Variants in RNF150 observed in about 807,000 individuals in gnomAD.
RNF150 encodes the protein ring finger protein 150.
Under a neutral mutation model 39.3 loss-of-function variants are expected in RNF150, and 24 were observed. The ratio of observed to expected loss-of-function variants is 0.61; its 90% CI spans 0.44 to 0.86. The LOEUF is 0.86. Among genes scored for constraint, RNF150 ranks in the 40% least tolerant of loss-of-function variants. The pLI is 0.00. For synonymous variants in RNF150, 255 were observed against 227.3 expected (o/e 1.12, Z -1.10); for missense variants, 502 against 587.8 (o/e 0.85, Z 1.51).
intron 5 of RNF150, among the ~76,000 whole-genome samples, chr4:140,915,566 T>C (rs6537021): frequency 0.55 from 83,770 of 151,870 alleles, 23,578 homozygotes; most frequent in East Asian, 0.89. Context: ...ACGAAAGTGA[T>C]TTATTCTTCA....
chr4:141,102,930 T>C (rs1739065887), intron 1 of RNF150, among the ~76,000 whole-genome samples: 1 of 152,204 alleles, frequency 6.6e-6, no homozygotes, highest in Non-Finnish European at 1.5e-5. Flanking sequence ...AGGGTGGTAA[T>C]GGATGCCACA....
chr4:141,166,952 G>T lies in RNF150; in HGVS notation c.-6+45842C>A, dbSNP rs138656934. On this transcript the variant is annotated intron_variant, in intron 1 of 7. Coordinates refer to the RNF150 transcript ENST00000420921. ...TTGGAAGTTCTGACCAGGGAAATCA[G>T]GCAAGAGAAAGAAACAAAGGGTATT... is the stretch of plus-strand genomic sequence containing the variant. Among the ~76,000 whole-genome samples, 1,303 of 152,148 alleles carry T rather than the reference G, an allele frequency of 8.6e-3. 18 individuals carry two copies. Among genetic ancestry groups the T allele is most frequent in the African/African-American group, 0.029 (1,224 of 41,492 alleles).
intron 1 of RNF150, among the ~76,000 whole-genome samples, chr4:141,206,841 C>T (rs979728717): frequency 1.3e-5 from 2 of 151,936 alleles, no homozygotes; most frequent in African/African-American, 4.8e-5. Flanking sequence ...TGTTGGAGGC[C>T]GAAAGCCTCA....
intron 1 of RNF150, among the ~76,000 whole-genome samples, chr4:141,048,882 T>C (rs1736678593): frequency 6.6e-6 from 1 of 152,216 alleles, no homozygotes; most frequent in African/African-American, 2.4e-5. Context: ...TATACCAAGA[T>C]GATTGAAGCC....
intron 1 of RNF150, among the ~76,000 whole-genome samples, chr4:140,996,767 G>A (rs61179974): frequency 0.076 from 11,551 of 152,278 alleles, 500 homozygotes; most frequent in Middle Eastern, 0.16. Flanking sequence ...GTGTTGGAGA[G>A]TCCTGTAGTC....
chr4:141,152,037 G>A (rs1727311893), intron 1 of RNF150, among the ~76,000 whole-genome samples: 1 of 152,082 alleles, frequency 6.6e-6, no homozygotes, highest in Admixed American at 6.6e-5. Context: ...TTCAGTAACA[G>A]CGATAAAATT....
rs757204196 is a variant in RNF150 at position 140,911,370 on chromosome 4, A to G, written c.988-16T>C. The G allele has an allele frequency of 6.8e-6, 11 of 1,610,520 alleles. No homozygotes were observed. The highest frequency in any genetic ancestry group is 1.7e-4 in the Middle Eastern group (1 of 5,998). ...CGGCATTGGGCTGATGGGGCAGAAA[A>G]AGATCTGTTCTCAGTACATGTCATC... On this transcript the variant is annotated splice_polypyrimidine_tract_variant and intron_variant, in intron 5 of 6. Coordinates refer to ENST00000515673, the MANE Select transcript of RNF150 (RefSeq NM_020724.2).
chr4:140,978,406 A>G (rs1733743261), intron 1 of RNF150, among the ~76,000 whole-genome samples: 1 of 152,196 alleles, frequency 6.6e-6, no homozygotes, highest in African/African-American at 2.4e-5. Flanking sequence ...GAATGGCTCT[A>G]GTAACAATTA....
At chr4:140,911,450 A>C (rs1393015597) in intron 5 of RNF150, 96 bp from the exon 6 acceptor site, 11 of 1,034,694 alleles carry the variant, frequency 1.1e-5, no homozygotes, top group Non-Finnish European at 1.3e-5. Context: ...GAAAAAATTA[A>C]GTTCTTTATT....
chr4:141,086,397 C>A (rs976278146), intron 1 of RNF150, among the ~76,000 whole-genome samples: 1 of 152,012 alleles, frequency 6.6e-6, no homozygotes, highest in East Asian at 1.9e-4. Context: ...TAGTGGAATA[C>A]CCCTGTTAAT....
At chr4:141,161,497 G>T (rs905866362) in intron 1 of RNF150, among the ~76,000 whole-genome samples, 2 of 152,204 alleles carry the variant, frequency 1.3e-5, no homozygotes, top group Non-Finnish European at 2.9e-5. Flanking sequence ...CCTATTATCT[G>T]GGGAGAAATT....
chr4:140,885,915 T>C (rs1729554538), intron 6 of RNF150, among the ~76,000 whole-genome samples: 1 of 152,126 alleles, frequency 6.6e-6, no homozygotes, highest in South Asian at 2.1e-4. Flanking sequence ...GAGCTTCTTT[T>C]TATATATGTT....
intron 1 of RNF150, among the ~76,000 whole-genome samples, chr4:140,979,957 T>G (rs1269608660): frequency 6.6e-6 from 1 of 152,186 alleles, no homozygotes; most frequent in Non-Finnish European, 1.5e-5. Flanking sequence ...AGTCTGAAAC[T>G]CACATAATAA....
chr4:141,041,057 G>A (rs1347861588), intron 1 of RNF150, among the ~76,000 whole-genome samples: 1 of 151,994 alleles, frequency 6.6e-6, no homozygotes, highest in Non-Finnish European at 1.5e-5. Context: ...AAACGGTTTA[G>A]TAAATGTTGA....
intron 1 of RNF150, among the ~76,000 whole-genome samples, chr4:141,088,413 C>T (rs140329581): frequency 1.8e-4 from 28 of 152,242 alleles, no homozygotes; most frequent in African/African-American, 5.3e-4. Flanking sequence ...CTTGAAAGAA[C>T]CTGAACCTGT....
At chr4:140,940,709 C>T (rs1213630289) in intron 4 of RNF150, among the ~76,000 whole-genome samples, 2 of 152,162 alleles carry the variant, frequency 1.3e-5, no homozygotes, top group African/African-American at 4.8e-5. Context: ...TGGAAATAAC[C>T]TTATCTAGTT....
intron 1 of RNF150, among the ~76,000 whole-genome samples, chr4:141,008,889 C>T (rs1300507652): frequency 7.9e-5 from 12 of 152,122 alleles, no homozygotes; most frequent in East Asian, 1.9e-4. Flanking sequence ...TTATCCTAAG[C>T]GCTTTGCATT....
At chr4:141,209,260 C>T (rs996916577) in intron 1 of RNF150, among the ~76,000 whole-genome samples, 1 of 151,700 alleles carries the variant, frequency 6.6e-6, no homozygotes, top group African/African-American at 2.4e-5. Context: ...TTACTACATG[C>T]AAAATAGTAT....
chr4:141,144,895 C>G (rs547027215), intron 1 of RNF150, among the ~76,000 whole-genome samples: 2 of 152,056 alleles, frequency 1.3e-5, no homozygotes, highest in East Asian at 3.9e-4. Context: ...CCAAGATGCT[C>G]CAGTAACAAA....
Sources: allele counts gnomAD v4.1 joint callset (sites outside exome capture counted in the v4.1 genomes callset), GRCh38; gene constraint gnomAD v4.1.1; transcripts MANE v1.5; gene names NCBI Gene and HGNC (gene_info 2026-07-23, HGNC 2026-07-21).